PTPRN2: variants seen among roughly 807,000 people sequenced by gnomAD.
The protein encoded by PTPRN2 is protein tyrosine phosphatase receptor type N2.
Under a neutral mutation model 118.8 loss-of-function variants are expected in PTPRN2, and 74 were observed. The ratio of observed to expected loss-of-function variants is 0.62; its 90% CI spans 0.52 to 0.76. The LOEUF (loss-of-function observed/expected upper bound fraction) is 0.76, where lower values mean the gene tolerates loss of function less well. Ranked by LOEUF, PTPRN2 falls within the 30% of genes least tolerant of loss-of-function variation. The pLI is 0.00. For missense variants in PTPRN2, 1,481 were observed against 1,394.4 expected, an observed-to-expected ratio of 1.06 and a Z score of -0.99; for synonymous variants, 641 against 608.0, an observed-to-expected ratio of 1.05 and a Z score of -0.80.
chr7:158,587,743 A>G lies in PTPRN2; in HGVS notation c.-74T>C, dbSNP rs1829069131. 2.9e-5 allele frequency: 32 copies of G among 1,090,868 alleles called. No individual in the cohort carries two copies. Among genetic ancestry groups the G allele is most frequent in the South Asian group, 4.4e-5 (1 of 22,944 alleles). 67.6% of individuals were successfully genotyped at this position (1,090,868 alleles called of 1,614,324 possible). A position where few individuals can be genotyped will look rare whatever the true frequency, so the allele number is the denominator to read the frequency against. ...GCGGGAGGCGGCCGAGTCCGGGCCCAGGGAGGCGCGCGCCGCCGGCTCCTC... is the reference window on the plus strand; with the variant it reads ...GCGGGAGGCGGCCGAGTCCGGGCCCGGGGAGGCGCGCGCCGCCGGCTCCTC... On this transcript the variant is annotated 5_prime_UTR_variant, in exon 1 of 23. Coordinates refer to ENST00000389418, the MANE Select transcript of PTPRN2 (RefSeq NM_002847.5).
At chr7:158,247,051 C>G (rs114084009) in intron 3 of PTPRN2, among the ~76,000 whole-genome samples, 1 of 152,194 alleles carries the variant, frequency 6.6e-6, no homozygotes, top group Admixed American at 6.5e-5. Context: ...TGAGGACGCA[C>G]GATGGGGTTA....
At chr7:157,975,242 A>C (rs1802654693) in intron 11 of PTPRN2, among the ~76,000 whole-genome samples, 1 of 152,032 alleles carries the variant, frequency 6.6e-6, no homozygotes, top group South Asian at 2.1e-4. Flanking sequence ...CCACCCCATG[A>C]TTCCAACCAC....
chr7:158,112,626 A>G (rs1816377438), intron 9 of PTPRN2, among the ~76,000 whole-genome samples: 1 of 152,230 alleles, frequency 6.6e-6, no homozygotes, highest in East Asian at 1.9e-4. Context: ...TGACAGAGTC[A>G]GGAGTTTACA....
intron 11 of PTPRN2, among the ~76,000 whole-genome samples, chr7:158,059,619 C>G (rs200190823): frequency 2.2e-3 from 188 of 84,878 alleles, no homozygotes; most frequent in Admixed American, 3.7e-3. Flanking sequence ...CACACGGTGA[C>G]ACATCACTGC....
chr7:158,408,393 C>T (rs899427107), intron 2 of PTPRN2, among the ~76,000 whole-genome samples: 1 of 152,146 alleles, frequency 6.6e-6, no homozygotes, highest in Non-Finnish European at 1.5e-5. Context: ...GCTTTCTCTA[C>T]AGTGGAATTT....
At chr7:158,492,047 G>A (rs1344999334) in intron 1 of PTPRN2, among the ~76,000 whole-genome samples, 4 of 152,164 alleles carry the variant, frequency 2.6e-5, no homozygotes, top group South Asian at 2.1e-4. Flanking sequence ...AGATCCTCAC[G>A]CAGTGACCTC....
Position 157,603,900 on chromosome 7 carries a change from TG to T in PTPRN2, c.2418+101del. 1 of 1,109,532 alleles carries T rather than the reference TG, an allele frequency of 9.0e-7. No individual in the cohort carries two copies. The highest frequency in any genetic ancestry group is 1.3e-6 in the Non-Finnish European group (1 of 757,004). The allele number at this position is 1,109,532 out of a possible 1,614,324, so 68.7% of individuals were successfully genotyped here. A position where few individuals can be genotyped will look rare whatever the true frequency, so the allele number is the denominator to read the frequency against. On this transcript the variant is annotated intron_variant, in intron 16 of 22. Coordinates refer to ENST00000389418, the MANE Select transcript of PTPRN2 (RefSeq NM_002847.5). The surrounding 1 kb of genome is among the most constrained non-coding windows in gnomAD (Gnocchi z 5.4). ...CCTGTCCACCGCAGAGACGCTGAGC[TG>T]GGTGGGGACGTGATTTCCCCCGAGA... is the stretch of plus-strand genomic sequence containing the variant.
chr7:158,479,356 T>C (rs928200492), intron 2 of PTPRN2, among the ~76,000 whole-genome samples: 2 of 151,452 alleles, frequency 1.3e-5, no homozygotes. Context: ...CCTCCCTCCC[T>C]CTCTCCTCCG....
At chr7:157,600,452 G>T (rs560805115) in intron 16 of PTPRN2, among the ~76,000 whole-genome samples, 1 of 152,316 alleles carries the variant, frequency 6.6e-6, no homozygotes, top group Admixed American at 6.5e-5. Flanking sequence ...ACAGGGTCTT[G>T]TTCTTTACCC....
At chr7:158,329,984 G>A (rs569583872) in intron 2 of PTPRN2, among the ~76,000 whole-genome samples, 3 of 150,154 alleles carry the variant, frequency 2.0e-5, no homozygotes, top group Non-Finnish European at 3.0e-5. Flanking sequence ...CACCATAAGA[G>A]CTCACGCCCG....
At chr7:157,612,662 CAGACTGTGCCA>C (rs1436062584) in intron 15 of PTPRN2, among the ~76,000 whole-genome samples, 1 of 152,222 alleles carries the variant, frequency 6.6e-6, no homozygotes, top group Admixed American at 6.5e-5. Flanking sequence ...GGGCGCAGGG[CAGACTGTGCCA>C]AGCAGGCGCG....
intron 22 of PTPRN2, among the ~76,000 whole-genome samples, chr7:157,541,158 C>G: frequency 6.6e-6 from 1 of 152,240 alleles, no homozygotes; most frequent in East Asian, 1.9e-4. Context: ...TCACAGCCAC[C>G]CGCCTTGGTG....
At chr7:158,008,186 G>A (rs1022515738) in intron 11 of PTPRN2, among the ~76,000 whole-genome samples, 10 of 152,112 alleles carry the variant, frequency 6.6e-5, no homozygotes, top group East Asian at 1.9e-4. Flanking sequence ...TGCATTGCAC[G>A]TGTATGTGTG....
chr7:157,900,534 C>T (rs1236641734), intron 11 of PTPRN2, among the ~76,000 whole-genome samples: 1 of 152,240 alleles, frequency 6.6e-6, no homozygotes, highest in African/African-American at 2.4e-5. Context: ...GTGTCCCCTG[C>T]AGGCATGGAG....
intron 11 of PTPRN2, among the ~76,000 whole-genome samples, chr7:158,019,589 G>A (rs940086022): frequency 2.0e-5 from 3 of 152,230 alleles, no homozygotes; most frequent in African/African-American, 7.2e-5. Context: ...GAATGAAAGA[G>A]GGCGCTTAAA....
intron 2 of PTPRN2, among the ~76,000 whole-genome samples, chr7:158,365,861 C>G (rs1586473448): frequency 6.8e-6 from 1 of 146,466 alleles, no homozygotes; most frequent in South Asian, 2.2e-4. Flanking sequence ...CACACACACA[C>G]AGCATCCCTG....
At chr7:158,393,619 T>G (rs1440544844) in intron 2 of PTPRN2, among the ~76,000 whole-genome samples, 1 of 152,188 alleles carries the variant, frequency 6.6e-6, no homozygotes, top group Middle Eastern at 3.2e-3. Context: ...GAAGTGGAAG[T>G]CATCTTTCAG....
chr7:158,139,040 C>G (rs1359738161), intron 6 of PTPRN2, among the ~76,000 whole-genome samples: 1 of 152,156 alleles, frequency 6.6e-6, no homozygotes, highest in Non-Finnish European at 1.5e-5. Context: ...CACAGCCACA[C>G]AGGGTCAAAG....
At position 157,560,905 on chromosome 7, in the gene PTPRN2, C is replaced by T. The variant is rs144577780; in HGVS notation, c.2902+7997G>A. Among the ~76,000 whole-genome samples the T allele has an allele frequency of 9.5e-4, 145 of 152,238 alleles. No individual in the cohort carries two copies. Among genetic ancestry groups the T allele is most frequent in the Middle Eastern group, 3.4e-3 (1 of 294 alleles). On this transcript the variant is annotated intron_variant, in intron 21 of 22. Coordinates refer to ENST00000389418, the MANE Select transcript of PTPRN2 (RefSeq NM_002847.5). This position sits in a 1 kb window ranked among gnomAD's most constrained non-coding sequence, Gnocchi z 6.7. ...AGCTTTCCCAATTCTGCCCAGCCCTCGCGTCCCCCTAAGTCTCATCTGCAG... is the reference window on the plus strand; with the variant it reads ...AGCTTTCCCAATTCTGCCCAGCCCTTGCGTCCCCCTAAGTCTCATCTGCAG...
Sources: gnomAD v4.1 joint callset for allele counts (sites outside exome capture counted in the v4.1 genomes callset) on GRCh38, gnomAD v4.1.1 for gene constraint, Gnocchi (gnomAD v3.1) non-coding constraint, MANE v1.5 for transcripts, NCBI Gene and HGNC (gene_info 2026-07-23, HGNC 2026-07-21) for gene names.